The following SLC6A11 variants were observed in gnomAD, a reference collection of about 807,000 sequenced individuals.
The protein encoded by SLC6A11 is sodium- and chloride-dependent GABA transporter 3.
A neutral mutation model predicts 74.8 loss-of-function variants in SLC6A11; 25 were observed. The ratio of observed to expected loss-of-function variants is 0.33; its 90% CI spans 0.24 to 0.47. The LOEUF (loss-of-function observed/expected upper bound fraction) is 0.47. Among genes scored for constraint, SLC6A11 ranks in the 20% least tolerant of loss-of-function variants. SLC6A11 has a pLI of 1.00. For missense variants in SLC6A11, 574 were observed against 837.0 expected (o/e 0.69, Z 3.88); for synonymous variants, 330 against 330.2 (o/e 1.00, Z 0.01).
chr3:10,896,241 G>A (rs1216974383), intron 6 of SLC6A11, among the ~76,000 whole-genome samples: 1 of 152,228 alleles, frequency 6.6e-6, no homozygotes, highest in Non-Finnish European at 1.5e-5. Flanking sequence ...GGCTAGAAAA[G>A]CTGGCTTTTC....
chr3:10,889,300 G>A (rs1695080976), intron 6 of SLC6A11, among the ~76,000 whole-genome samples: 1 of 152,044 alleles, frequency 6.6e-6, no homozygotes, highest in Admixed American at 6.6e-5. Flanking sequence ...AGTTGACATT[G>A]GAGTTCTCTC....
At chr3:10,842,936 C>A (rs997403241) in intron 4 of SLC6A11, among the ~76,000 whole-genome samples, 1 of 152,084 alleles carries the variant, frequency 6.6e-6, no homozygotes. Flanking sequence ...AGGCCCCAAG[C>A]GGATTCCCAG....
chr3:10,916,266 C>T (rs1695452948), intron 7 of SLC6A11, among the ~76,000 whole-genome samples: 1 of 152,248 alleles, frequency 6.6e-6, no homozygotes, highest in Non-Finnish European at 1.5e-5. Flanking sequence ...AAAGTCCCCA[C>T]TTATACCAGC....
chr3:10,856,594 G>C lies in SLC6A11; in HGVS notation c.756+12248G>C, dbSNP rs534267425. On this transcript the variant is annotated intron_variant, in intron 5 of 13. Coordinates refer to ENST00000254488, the MANE Select transcript of SLC6A11 (RefSeq NM_014229.3). ...AGGATTTAAACCCAGGTCTACCAAG[G>C]TAGAACCCAAAACTGGTGCGTTTCC... 2.2e-4 allele frequency among the ~76,000 whole-genome samples: 33 copies of C among 152,318 alleles called. No homozygotes were observed. In the South Asian group the frequency reaches 3.5e-3, roughly 16 times the overall value.
At chr3:10,937,886 C>A (rs996015443) in intron 13 of SLC6A11, among the ~76,000 whole-genome samples, 1 of 152,208 alleles carries the variant, frequency 6.6e-6, no homozygotes, top group Non-Finnish European at 1.5e-5. Flanking sequence ...CAATTCACAC[C>A]CCAGCTTCTC....
At chr3:10,901,388 G>C (rs961863759) in intron 6 of SLC6A11, among the ~76,000 whole-genome samples, 1 of 152,138 alleles carries the variant, frequency 6.6e-6, no homozygotes, top group Non-Finnish European at 1.5e-5. Flanking sequence ...CACCGGGGTC[G>C]GCCTACACAC....
intron 8 of SLC6A11, among the ~76,000 whole-genome samples, chr3:10,923,010 T>C (rs1242025029): frequency 1.3e-5 from 2 of 152,070 alleles, no homozygotes; most frequent in African/African-American, 2.4e-5. Context: ...AAAGAAGTTA[T>C]AAATAAGGAA....
chr3:10,930,490 A>G (rs146659444), intron 10 of SLC6A11, among the ~76,000 whole-genome samples: 3 of 152,318 alleles, frequency 2.0e-5, no homozygotes, highest in Non-Finnish European at 4.4e-5. Flanking sequence ...AGTGATAATC[A>G]GTGTTGGAGC....
At chr3:10,849,794 CAAAAAAA>C (rs56099322) in intron 5 of SLC6A11, among the ~76,000 whole-genome samples, 126 of 87,272 alleles carry the variant, frequency 1.4e-3, no homozygotes, top group African/African-American at 4.3e-3. Context: ...TTGTTGAAGC[CAAAAAAA>C]AAAAAAAAAA....
At chr3:10,879,921 G>A (rs1694954229) in intron 6 of SLC6A11, among the ~76,000 whole-genome samples, 1 of 152,034 alleles carries the variant, frequency 6.6e-6, no homozygotes, top group African/African-American at 2.4e-5. Flanking sequence ...TACTCAACCT[G>A]TACATACATA....
rs990258801 is a variant in SLC6A11 at position 10,926,575 on chromosome 3, C to G, written c.1233+459C>G. The stretch of plus-strand genomic sequence containing the variant: ...AGAAAAGCACCTCCTCTTCCTCCAT[C>G]TCTGTCCTGGATGCCACCACCAGCT... On this transcript the variant is annotated intron_variant, in intron 9 of 13. Coordinates refer to ENST00000254488, the MANE Select transcript of SLC6A11 (RefSeq NM_014229.3). The surrounding 1 kb of genome is among the most constrained non-coding windows in gnomAD (Gnocchi z 5.7). Among the ~76,000 whole-genome samples the G allele has an allele frequency of 1.3e-5, 2 of 152,234 alleles. No individual in the cohort carries two copies. Among genetic ancestry groups the G allele is most frequent in the East Asian group, 3.9e-4 (2 of 5,162 alleles).
rs145120704 is a variant in SLC6A11 at position 10,834,166 on chromosome 3, G to A, written c.624-10048G>A. 2.6e-5 allele frequency among the ~76,000 whole-genome samples: 4 copies of A among 152,314 alleles called. No individual in the cohort carries two copies. In the East Asian group the frequency reaches 7.7e-4, roughly 29 times the overall value. On this transcript the variant is annotated intron_variant, in intron 4 of 13. Transcript: ENST00000254488. ...GGACCTGACCAAAGTGCCTCTCATG[G>A]TGGGCCAGAGCCTGAGCTGGTCTGA... is the stretch of plus-strand genomic sequence containing the variant.
intron 10 of SLC6A11, among the ~76,000 whole-genome samples, chr3:10,931,275 G>A (rs561924518): frequency 1.3e-5 from 2 of 152,262 alleles, no homozygotes; most frequent in East Asian, 3.9e-4. Flanking sequence ...TACCATGAAG[G>A]ACCAACTGGA....
intron 6 of SLC6A11, among the ~76,000 whole-genome samples, chr3:10,902,971 C>T (rs754168156): frequency 2.1e-4 from 31 of 148,786 alleles, no homozygotes; most frequent in Non-Finnish European, 4.0e-4. Context: ...ACCGTGTGGA[C>T]GAGGTGAGTT....
chr3:10,874,018 C>CG (rs1694878794), intron 5 of SLC6A11, among the ~76,000 whole-genome samples: 8 of 152,258 alleles, frequency 5.3e-5, no homozygotes, highest in South Asian at 2.1e-4. Flanking sequence ...CTATGCTATA[C>CG]CATCCTATCC....
chr3:10,832,049 T>C (rs769818080), intron 4 of SLC6A11, among the ~76,000 whole-genome samples: 16 of 152,216 alleles, frequency 1.1e-4, no homozygotes, highest in Non-Finnish European at 1.8e-4. Flanking sequence ...ATCAAGTCAT[T>C]TGTCTTGATA....
At chr3:10,873,731 T>A (rs1694869508) in intron 5 of SLC6A11, among the ~76,000 whole-genome samples, 1 of 147,454 alleles carries the variant, frequency 6.8e-6, no homozygotes, top group Admixed American at 6.7e-5. Context: ...TCCTATCCTA[T>A]CCCGTCCCGT....
At chr3:10,897,347 A>G (rs780190094) in intron 6 of SLC6A11, among the ~76,000 whole-genome samples, 2 of 152,178 alleles carry the variant, frequency 1.3e-5, no homozygotes, top group African/African-American at 2.4e-5. Flanking sequence ...CCACAGTCCA[A>G]AGTCTCATCT....
intron 8 of SLC6A11, among the ~76,000 whole-genome samples, 166 bp from the exon 9 acceptor site, chr3:10,925,838 G>C (rs1695597480): frequency 6.6e-6 from 1 of 152,186 alleles, no homozygotes; most frequent in Non-Finnish European, 1.5e-5. Context: ...ATGGGCATCA[G>C]AATAGCACCA....
Sources: gnomAD v4.1 joint callset for allele counts (sites outside exome capture counted in the v4.1 genomes callset) on GRCh38, gnomAD v4.1.1 for gene constraint, Gnocchi (gnomAD v3.1) non-coding constraint, MANE v1.5 for transcripts, NCBI Gene and HGNC (gene_info 2026-07-23, HGNC 2026-07-21) for gene names.